The following SYNRG variants were observed in gnomAD, a reference collection of about 807,000 sequenced individuals.
SYNRG encodes the protein AP1 gamma subunit binding protein 1.
Under a neutral mutation model 130.9 loss-of-function variants are expected in SYNRG, and 37 were observed. That is an observed-to-expected ratio of 0.28 (90% CI 0.22 to 0.37). The LOEUF (loss-of-function observed/expected upper bound fraction) is 0.37. SYNRG is among the 10% of genes least tolerant of loss of function. The pLI is 1.00. For missense variants in SYNRG, 1,338 were observed against 1,588.9 expected (o/e 0.84, Z 2.68); for synonymous variants, 539 against 568.1 (o/e 0.95, Z 0.73).
Position 37,576,227 on chromosome 17 carries a change from G to A in SYNRG, c.901+114C>T. 3 of 985,700 alleles carry A rather than the reference G, an allele frequency of 3.0e-6. No individual in the cohort carries two copies. The South Asian group carries it at 4.9e-5, about 16-fold the overall frequency. The allele number at this position is 985,700 out of a possible 1,614,324, so 61.1% of individuals were successfully genotyped here. A position where few individuals can be genotyped will look rare whatever the true frequency, so the allele number is the denominator to read the frequency against. On this transcript the variant is annotated intron_variant, in intron 8 of 21. Transcript: ENST00000612223. ...TGTACTCTTTCAGAAAAAAAGAAAAGTGACAACTCCTCCTGCATTTTTTGT... is the reference window on the plus strand; with the variant it reads ...TGTACTCTTTCAGAAAAAAAGAAAAATGACAACTCCTCCTGCATTTTTTGT...
In SYNRG at chr17:37,536,045, CT is replaced by C. The variant is rs2057159192; in HGVS notation, c.3599del (p.Gln1200ArgfsTer3). 6.2e-7 allele frequency: 1 copy of C among 1,614,088 alleles called. No homozygotes were observed. Among genetic ancestry groups the C allele is most frequent in the African/African-American group, 1.3e-5 (1 of 74,944 alleles). ...ATAVCSEKLQ[Q>X]LLKDIDKVWN... ...ATACTTTATCGATGTCCTTCAGCAA[CT>C]GCTGGAGTTTCTCACTGCACACTGC... On this transcript the variant is annotated frameshift_variant, in exon 19 of 22. Coordinates refer to ENST00000612223, the MANE Select transcript of SYNRG (RefSeq NM_007247.6). LOFTEE classifies it high-confidence loss of function.
At chr17:37,579,386 G>C in intron 6 of SYNRG, 2 of 1,304,344 alleles carry the variant, frequency 1.5e-6, no homozygotes, top group Non-Finnish European at 2.0e-6. Flanking sequence ...ATCAAGAAAG[G>C]CAGGTGATGG....
intron 15 of SYNRG, 123 bp from the exon 16 acceptor site, chr17:37,540,666 GCT>G: frequency 9.9e-7 from 1 of 1,007,124 alleles, no homozygotes; most frequent in Middle Eastern, 3.0e-4. Flanking sequence ...ACAGATTCTT[GCT>G]CTGTCGCTCA....
In SYNRG at chr17:37,576,422, G is replaced by C; in HGVS notation, c.824-4C>G. ...TGTGAGGGAAATACTCCCACACCTA[G>C]AAGGTAAGAAACATTAATGTATATA... On this transcript the variant is annotated splice_region_variant and splice_polypyrimidine_tract_variant and intron_variant, in intron 7 of 21. Transcript: ENST00000612223. 1 of 1,613,222 alleles carries C rather than the reference G, an allele frequency of 6.2e-7. No homozygotes were observed. The highest frequency in any genetic ancestry group is 8.5e-7 in the Non-Finnish European group (1 of 1,179,372).
rs1289222862 is a variant in SYNRG, at chr17:37,594,453, TTTC to T, written c.240+1767_240+1769del. Among the ~76,000 whole-genome samples the T allele has an allele frequency of 8.5e-3, 1,263 of 148,282 alleles. 5 individuals are homozygous for T. Among genetic ancestry groups the T allele is most frequent in the Non-Finnish European group, 0.013 (846 of 67,146 alleles). ...AGATTGTTTTTAGTTATTTGCTGCC[TTTC>T]TTCTTCTTTTTTTTTTTTTTTTTTG... On this transcript the variant is annotated intron_variant, in intron 3 of 21. Transcript: ENST00000612223.
chr17:37,548,584 G>A (rs1226920138), intron 14 of SYNRG, among the ~76,000 whole-genome samples: 2 of 151,906 alleles, frequency 1.3e-5, no homozygotes, highest in Non-Finnish European at 2.9e-5. Flanking sequence ...TTGGGAGGCC[G>A]AGGCAGGTGG....
chr17:37,522,752 T>C (rs62076707), intron 19 of SYNRG, among the ~76,000 whole-genome samples: 27,403 of 151,580 alleles, frequency 0.18, 3,064 homozygotes, highest in East Asian at 0.6. Flanking sequence ...GGGATGCTTC[T>C]GCCTCAGCCT....
At chr17:37,537,747 G>C (rs745697760) in intron 18 of SYNRG, among the ~76,000 whole-genome samples, 2 of 152,216 alleles carry the variant, frequency 1.3e-5, no homozygotes, top group Admixed American at 6.5e-5. Context: ...AGGGAGAGAC[G>C]ATACTCTTTG....
rs1568212723 is a variant in SYNRG, at chr17:37,514,961, T to C, written c.*3979A>G. On this transcript the variant is annotated 3_prime_UTR_variant, in exon 22 of 22. Coordinates refer to ENST00000612223, the MANE Select transcript of SYNRG (RefSeq NM_007247.6). Reference sequence around the variant, plus strand: ...TACAAACAAGGGAGAAACCACACCATCTTTTAAAATACAGGCGCGAATTCC... The same window carrying C: ...TACAAACAAGGGAGAAACCACACCACCTTTTAAAATACAGGCGCGAATTCC... 6.6e-6 allele frequency: 1 copy of C among 152,176 alleles called. No individual in the cohort carries two copies. Among genetic ancestry groups the C allele is most frequent in the Non-Finnish European group, 1.5e-5 (1 of 68,038 alleles). The allele number at this position is 152,176 out of a possible 1,614,324, so 9.4% of individuals were successfully genotyped here.
rs765621244 is a variant in SYNRG at position 37,533,926 on chromosome 17, C to CTTTTTTTTTTTT, written c.3666+2041_3666+2052dup. ...AGGTTTCTAAACTTCATTTTCTTTT[C>CTTTTTTTTTTTT]TTTTTTTTTTTTTTTTTTTTTTTTT... On this transcript the variant is annotated intron_variant, in intron 19 of 21. Coordinates refer to ENST00000612223, the MANE Select transcript of SYNRG (RefSeq NM_007247.6). Among the ~76,000 whole-genome samples the CTTTTTTTTTTTT allele has an allele frequency of 6.1e-4, 35 of 57,808 alleles. 6 individuals are homozygous for CTTTTTTTTTTTT. Among genetic ancestry groups the CTTTTTTTTTTTT allele is most frequent in the Admixed American group, 1.2e-3 (5 of 4,026 alleles). The allele number at this position is 57,808 out of a possible 152,430, so 37.9% of individuals were successfully genotyped here. A position where few individuals can be genotyped will look rare whatever the true frequency, so the allele number is the denominator to read the frequency against.
At chr17:37,606,698 T>C (rs1459377890) in intron 1 of SYNRG, among the ~76,000 whole-genome samples, 2 of 152,334 alleles carry the variant, frequency 1.3e-5, no homozygotes, top group East Asian at 3.9e-4. Flanking sequence ...AATTTTGCCC[T>C]TTATACAACT....
intron 19 of SYNRG, among the ~76,000 whole-genome samples, chr17:37,525,102 C>T (rs943445628): frequency 1.3e-5 from 2 of 152,136 alleles, no homozygotes; most frequent in African/African-American, 4.8e-5. Flanking sequence ...TTCTTAAGTA[C>T]ACATGTATAA....
At chr17:37,603,953 A>G (rs2147122674) in intron 1 of SYNRG, among the ~76,000 whole-genome samples, 1 of 152,248 alleles carries the variant, frequency 6.6e-6, no homozygotes, top group African/African-American at 2.4e-5. Context: ...CCTGCATTGA[A>G]AATCTGGCCA....
chr17:37,604,956 G>A (rs2063621688), intron 1 of SYNRG, among the ~76,000 whole-genome samples: 1 of 152,156 alleles, frequency 6.6e-6, no homozygotes, highest in Non-Finnish European at 1.5e-5. Context: ...AGCTGGGTTT[G>A]TGGTGCTCCA....
chr17:37,603,601 A>T (rs962371373), intron 1 of SYNRG, among the ~76,000 whole-genome samples: 1 of 152,228 alleles, frequency 6.6e-6, no homozygotes, highest in African/African-American at 2.4e-5. Flanking sequence ...CATTGCCATC[A>T]GAGCTCTTGG....
intron 6 of SYNRG, among the ~76,000 whole-genome samples, chr17:37,577,925 C>G (rs1320441918): frequency 1.3e-5 from 2 of 151,376 alleles, no homozygotes; most frequent in African/African-American, 4.8e-5. Flanking sequence ...GTCTCGAACT[C>G]CTGACCTGAG....
intron 19 of SYNRG, among the ~76,000 whole-genome samples, chr17:37,532,837 C>T (rs1392628842): frequency 2.6e-5 from 4 of 152,126 alleles, no homozygotes; most frequent in Non-Finnish European, 4.4e-5. Context: ...TTGTATGCTT[C>T]CTTTACAGAG....
Position 37,540,466 on chromosome 17 carries a change from A to C in SYNRG, c.3280T>G (p.Phe1094Val), listed in dbSNP as rs139082263. The C allele has an allele frequency of 6.2e-7, 1 of 1,613,870 alleles. No homozygotes were observed. Among genetic ancestry groups the C allele is most frequent in the Non-Finnish European group, 8.5e-7 (1 of 1,179,946 alleles). ...SSPSPALEQPFRDRSNTLNEK... is the reference protein window; with the variant it reads ...SSPSPALEQPVRDRSNTLNEK... ...TTCAGAGTATTGGAACGGTCTCTGA[A>C]AGGCTGCTCCAAAGCTGGAGAAGGA... The change falls in exon 16 of 22, where the codon TTC becomes GTC. Residue 1094 changes from phenylalanine (F) to valine (V), a missense_variant. This residue lies in a region of SYNRG where 1,146 missense variants were observed against 1,342.3 expected (regional missense o/e 0.85). Transcript: ENST00000612223.
In SYNRG at chr17:37,602,482, AT is replaced by A. The variant is rs530273233; in HGVS notation, c.78-2080del. Among the ~76,000 whole-genome samples the A allele has an allele frequency of 3.1e-4, 47 of 152,364 alleles. No individual in the cohort carries two copies. The South Asian group carries it at 3.3e-3, about 11-fold the overall frequency. On this transcript the variant is annotated intron_variant, in intron 1 of 21. Transcript: ENST00000612223. ...GTCATTGAAAACCAAGGGAGTGCTT[AT>A]AACTGAGAGTTATAACTGAAGAAGG... is the stretch of plus-strand genomic sequence containing the variant.
Sources: gnomAD v4.1 joint callset for allele counts (sites outside exome capture counted in the v4.1 genomes callset) on GRCh38, gnomAD v4.1.1 for gene constraint, gnomAD v4.1.1 regional missense constraint, MANE v1.5 for transcripts, NCBI Gene and HGNC (gene_info 2026-07-23, HGNC 2026-07-21) for gene names.